SGCD: variants seen among roughly 807,000 people sequenced by gnomAD.
SGCD encodes the protein sarcoglycan delta.
SGCD carries 18 observed loss-of-function variants against 36.6 expected under a neutral mutation model. The ratio of observed to expected loss-of-function variants is 0.49; its 90% CI spans 0.34 to 0.73. The LOEUF (loss-of-function observed/expected upper bound fraction) is 0.73. SGCD is among the 30% of genes least tolerant of loss of function. The pLI, the probability that SGCD is intolerant of heterozygous loss-of-function variation, is 0.01. For synonymous variants in SGCD, 133 were observed against 130.6 expected (o/e 1.02, Z -0.12); for missense variants, 387 against 346.7 (o/e 1.12, Z -0.92).
At chr5:155,940,209 C>T (rs1757294296) in intron 1 of SGCD, among the ~76,000 whole-genome samples, 1 of 152,176 alleles carries the variant, frequency 6.6e-6, no homozygotes, top group African/African-American at 2.4e-5. Flanking sequence ...CAGGGCTTTT[C>T]CTTTCTTTTC....
the SGCD span, among the ~76,000 whole-genome samples, chr5:155,759,373 T>G: frequency 1.2e-4 from 19 of 152,338 alleles, no homozygotes; most frequent in African/African-American, 4.6e-4. Flanking sequence ...TCTCTATTGC[T>G]TATTCACTGC....
At chr5:156,310,482 T>C (rs1207496843) in intron 3 of SGCD, among the ~76,000 whole-genome samples, 1 of 152,206 alleles carries the variant, frequency 6.6e-6, no homozygotes, top group Admixed American at 6.5e-5. Flanking sequence ...TGCTGAGTAG[T>C]CAGGGGATGG....
At chr5:156,082,934 TA>T (rs1053314668) in intron 1 of SGCD, among the ~76,000 whole-genome samples, 64 of 149,952 alleles carry the variant, frequency 4.3e-4, no homozygotes, top group South Asian at 6.3e-4. Context: ...ATGTTGTCGC[TA>T]ATTTTTTTTT....
At chr5:156,248,680 C>T (rs1765500393) in intron 3 of SGCD, among the ~76,000 whole-genome samples, 1 of 152,146 alleles carries the variant, frequency 6.6e-6, no homozygotes, top group Admixed American at 6.5e-5. Context: ...GATAGCAATC[C>T]ACTGAAGCGT....
In SGCD at chr5:156,580,061, CT is replaced by C. The variant is rs771225641; in HGVS notation, c.295-9167del. 1.8e-4 allele frequency among the ~76,000 whole-genome samples: 27 copies of C among 152,294 alleles called. No individual in the cohort carries two copies. In the East Asian group the frequency reaches 4.0e-3, roughly 23 times the overall value. ...TTGCAGTGGCTGGTACAGGTTGTTC[CT>C]TTCCATGTTTAGTGCTTCCTTCAGG... is the stretch of plus-strand genomic sequence containing the variant. On this transcript the variant is annotated intron_variant, in intron 4 of 8. Coordinates refer to ENST00000337851, the MANE Select transcript of SGCD (RefSeq NM_000337.6).
At chr5:156,449,282 A>G (rs1422514171) in intron 3 of SGCD, among the ~76,000 whole-genome samples, 1 of 152,078 alleles carries the variant, frequency 6.6e-6, no homozygotes, top group Non-Finnish European at 1.5e-5. Flanking sequence ...TCTCAATTCA[A>G]AATTTATCTT....
intron 3 of SGCD, among the ~76,000 whole-genome samples, chr5:156,404,314 G>T (rs1772302963): frequency 6.6e-6 from 1 of 152,108 alleles, no homozygotes; most frequent in East Asian, 1.9e-4. Flanking sequence ...CTTCATATTT[G>T]TCAGGGAAAT....
intron 3 of SGCD, among the ~76,000 whole-genome samples, chr5:156,151,486 A>G (rs1256530379): frequency 6.6e-6 from 1 of 151,676 alleles, no homozygotes; most frequent in Admixed American, 6.6e-5. Context: ...TATTCCTTAT[A>G]TTAAATTTAT....
At chr5:156,344,279 T>A (rs1182040759) in intron 2 of SGCD, among the ~76,000 whole-genome samples, 1 of 152,170 alleles carries the variant, frequency 6.6e-6, no homozygotes. Context: ...ACATCAGAAG[T>A]CATGGCTGTG....
chr5:155,849,326 T>C, the SGCD span, among the ~76,000 whole-genome samples: 161 of 152,250 alleles, frequency 1.1e-3, no homozygotes, highest in Non-Finnish European at 1.9e-3. Context: ...AAAATGCTAA[T>C]TTTTAATACT....
intron 3 of SGCD, among the ~76,000 whole-genome samples, chr5:156,473,365 C>T (rs1412248305): frequency 6.6e-6 from 1 of 152,186 alleles, no homozygotes; most frequent in African/African-American, 2.4e-5. Flanking sequence ...ATTCAATACA[C>T]CTAACTTACC....
At chr5:156,161,218 T>C (rs1177796398) in intron 3 of SGCD, among the ~76,000 whole-genome samples, 7 of 151,754 alleles carry the variant, frequency 4.6e-5, no homozygotes, top group African/African-American at 1.7e-4. Flanking sequence ...ATCCTGAAGA[T>C]ACCCTGTCGT....
chr5:156,242,485 A>T (rs374948210), intron 3 of SGCD, among the ~76,000 whole-genome samples: 28 of 152,312 alleles, frequency 1.8e-4, no homozygotes, highest in Middle Eastern at 6.8e-3. Context: ...ACGTGAGTAC[A>T]TGTAAGACTT....
At chr5:156,588,974 TG>T (rs1428496368) in intron 4 of SGCD, among the ~76,000 whole-genome samples, 9 of 150,202 alleles carry the variant, frequency 6.0e-5, no homozygotes, top group African/African-American at 2.2e-4. Flanking sequence ...GTGTGTGTTC[TG>T]GGGGAATCTA....
intron 7 of SGCD, among the ~76,000 whole-genome samples, chr5:156,700,709 T>C (rs547770009): frequency 7.0e-4 from 107 of 152,200 alleles, no homozygotes; most frequent in African/African-American, 2.5e-3. Flanking sequence ...TTTGGGATAC[T>C]GAGGCAAGAA....
chr5:156,505,147 G>A (rs572211605), intron 3 of SGCD, among the ~76,000 whole-genome samples: 1 of 152,306 alleles, frequency 6.6e-6, no homozygotes, highest in East Asian at 1.9e-4. Flanking sequence ...AGGGTTCGAG[G>A]TGCCTTTGGA....
chr5:155,907,787 A>ATAGATTTCT (rs1756550153), intron 1 of SGCD, among the ~76,000 whole-genome samples: 1 of 152,158 alleles, frequency 6.6e-6, no homozygotes, highest in African/African-American at 2.4e-5. Flanking sequence ...ATAACTAGAA[A>ATAGATTTCT]AGATTTAGAA....
At chr5:155,993,527 T>C (rs1299864399) in intron 1 of SGCD, among the ~76,000 whole-genome samples, 1 of 151,940 alleles carries the variant, frequency 6.6e-6, no homozygotes, top group African/African-American at 2.4e-5. Flanking sequence ...GTATTTTTAG[T>C]AGAGATGGAG....
chr5:156,609,603 T>C (rs1465280001), intron 6 of SGCD, among the ~76,000 whole-genome samples: 1 of 152,236 alleles, frequency 6.6e-6, no homozygotes, highest in East Asian at 1.9e-4. Flanking sequence ...CCTTGCTAGA[T>C]TGGGGAAGTT....
Sources: allele counts gnomAD v4.1 joint callset (sites outside exome capture counted in the v4.1 genomes callset), GRCh38; gene constraint gnomAD v4.1.1; transcripts MANE v1.5; gene names NCBI Gene and HGNC (gene_info 2026-07-23, HGNC 2026-07-21).